CRY1: variants seen among roughly 807,000 people sequenced by gnomAD.
CRY1 encodes cryptochrome-1.
CRY1 carries 45 observed loss-of-function variants against 76.0 expected under a neutral mutation model. That is an observed-to-expected ratio of 0.59 (90% CI 0.47 to 0.76). The LOEUF is 0.76. Among genes scored for constraint, CRY1 ranks in the 30% least tolerant of loss-of-function variants. The pLI, the probability that CRY1 is intolerant of heterozygous loss-of-function variation, is 0.00. For synonymous variants in CRY1, 248 were observed against 244.0 expected (o/e 1.02, Z -0.15); for missense variants, 587 against 716.4 (o/e 0.82, Z 2.06).
chr12:106,994,052 AC>A (rs1485116336), intron 10 of CRY1, among the ~76,000 whole-genome samples: 1 of 151,148 alleles, frequency 6.6e-6, no homozygotes, highest in Admixed American at 6.6e-5. Context: ...CATTAAAAAA[AC>A]AAACAAAAAC....
In CRY1 at chr12:106,991,524, A is replaced by C. The variant is rs760784917; in HGVS notation, c.*478T>G. ...TACTGTCTGTGTTAACAGAGGCTACAATACCAATTTGGATTACGCACATTA... is the reference window on the plus strand; with the variant it reads ...TACTGTCTGTGTTAACAGAGGCTACCATACCAATTTGGATTACGCACATTA... On this transcript the variant is annotated 3_prime_UTR_variant, in exon 13 of 13. Coordinates refer to ENST00000008527, the MANE Select transcript of CRY1 (RefSeq NM_004075.5). 2 of 152,632 alleles carry C rather than the reference A, an allele frequency of 1.3e-5. No homozygotes were observed. The highest frequency in any genetic ancestry group is 2.9e-5 in the Non-Finnish European group (2 of 68,026). 9.5% of individuals were successfully genotyped at this position (152,632 alleles called of 1,614,324 possible). A position where few individuals can be genotyped will look rare whatever the true frequency, so the allele number is the denominator to read the frequency against.
chr12:107,016,369 T>TA (rs1267167500), intron 2 of CRY1, among the ~76,000 whole-genome samples: 2 of 151,884 alleles, frequency 1.3e-5, no homozygotes, highest in African/African-American at 2.4e-5. Flanking sequence ...CAAACAATTT[T>TA]AAAAAAAAGT....
intron 1 of CRY1, among the ~76,000 whole-genome samples, chr12:107,039,577 T>A (rs1952775155): frequency 6.6e-6 from 1 of 152,188 alleles, no homozygotes; most frequent in African/African-American, 2.4e-5. Context: ...GATGTTCACA[T>A]CACAAATCAT....
chr12:107,084,343 A>C (rs560996291), intron 1 of CRY1, among the ~76,000 whole-genome samples: 70 of 152,344 alleles, frequency 4.6e-4, no homozygotes, highest in African/African-American at 1.7e-3. Flanking sequence ...TAAATTTCAT[A>C]TGGAACCAAA....
intron 1 of CRY1, among the ~76,000 whole-genome samples, chr12:107,026,177 C>CATAT (rs957628269): frequency 4.4e-5 from 1 of 22,706 alleles, no homozygotes; most frequent in Admixed American, 6.1e-4. Context: ...ATATATATTA[C>CATAT]ATATATATAT....
intron 1 of CRY1, among the ~76,000 whole-genome samples, chr12:107,051,104 T>C (rs1362742746): frequency 6.6e-6 from 1 of 152,216 alleles, no homozygotes; most frequent in Non-Finnish European, 1.5e-5. Flanking sequence ...GAACCTGTCA[T>C]GGACTGAAAA....
At chr12:107,007,796 C>T (rs1952392402) in intron 2 of CRY1, among the ~76,000 whole-genome samples, 1 of 152,166 alleles carries the variant, frequency 6.6e-6, no homozygotes, top group Non-Finnish European at 1.5e-5. Context: ...TCCCAACGTG[C>T]TGGGATTACA....
At position 107,089,314 on chromosome 12, in the gene CRY1, C is replaced by T. The variant is rs1490626363; in HGVS notation, c.158+3490G>A. 2.6e-5 allele frequency among the ~76,000 whole-genome samples: 4 copies of T among 151,958 alleles called. No individual in the cohort carries two copies. The South Asian group carries it at 6.2e-4, about 24-fold the overall frequency. On this transcript the variant is annotated intron_variant, in intron 1 of 12. Coordinates refer to ENST00000008527, the MANE Select transcript of CRY1 (RefSeq NM_004075.5). ...CATGTTATTCTGAGACAATGTCCTT[C>T]AAATTTTTTGTTGTTGTTGTTTGTT...
At chr12:107,026,476 C>T (rs917346412) in intron 1 of CRY1, among the ~76,000 whole-genome samples, 1 of 152,026 alleles carries the variant, frequency 6.6e-6, no homozygotes, top group Non-Finnish European at 1.5e-5. Context: ...TCAGGTGATC[C>T]ACCTGCCTCA....
chr12:107,080,985 A>C (rs562083709), intron 1 of CRY1, among the ~76,000 whole-genome samples: 5 of 152,244 alleles, frequency 3.3e-5, no homozygotes, highest in African/African-American at 1.2e-4. Flanking sequence ...CAACCTAAAA[A>C]GAAGAAAAAG....
At chr12:107,013,949 A>T (rs1952471327) in intron 2 of CRY1, among the ~76,000 whole-genome samples, 1 of 152,200 alleles carries the variant, frequency 6.6e-6, no homozygotes, top group Non-Finnish European at 1.5e-5. Flanking sequence ...TAAATTTAAC[A>T]TGACTTCTAT....
chr12:107,085,486 A>G (rs1953387236), intron 1 of CRY1, among the ~76,000 whole-genome samples: 1 of 152,206 alleles, frequency 6.6e-6, no homozygotes, highest in African/African-American at 2.4e-5. Context: ...AGCAGCCATA[A>G]AAAAGAATGA....
chr12:107,032,021 ACCTCC>A (rs1952681873), intron 1 of CRY1, among the ~76,000 whole-genome samples: 1 of 152,036 alleles, frequency 6.6e-6, no homozygotes, highest in Non-Finnish European at 1.5e-5. Context: ...TGCAACCTCC[ACCTCC>A]CGGGTTCAAG....
intron 1 of CRY1, among the ~76,000 whole-genome samples, chr12:107,088,369 G>C (rs1465619611): frequency 6.6e-6 from 1 of 152,196 alleles, no homozygotes; most frequent in East Asian, 1.9e-4. Context: ...GTCCTCACCA[G>C]AACCAGAGGC....
chr12:107,083,486 T>C (rs1414178498), intron 1 of CRY1, among the ~76,000 whole-genome samples: 1 of 152,210 alleles, frequency 6.6e-6, no homozygotes, highest in Non-Finnish European at 1.5e-5. Flanking sequence ...TCAAAAAGCT[T>C]ATCCACACGA....
intron 1 of CRY1, among the ~76,000 whole-genome samples, chr12:107,045,265 T>C (rs1288296375): frequency 1.3e-5 from 2 of 151,988 alleles, no homozygotes; most frequent in African/African-American, 4.8e-5. Context: ...AAAAATACCA[T>C]ACTCAGCAAA....
intron 1 of CRY1, among the ~76,000 whole-genome samples, chr12:107,088,252 C>A (rs902455965): frequency 2.0e-5 from 3 of 152,060 alleles, no homozygotes; most frequent in Non-Finnish European, 2.9e-5. Context: ...TATTAATTAA[C>A]AGAACAATTA....
chr12:107,017,827 C>T (rs1921126), intron 2 of CRY1, among the ~76,000 whole-genome samples: 83,018 of 152,066 alleles, frequency 0.55, 23,049 homozygotes, highest in East Asian at 0.73. Context: ...TCTTCATATG[C>T]TTGCTCAAAT....
chr12:107,005,360 C>A, intron 2 of CRY1, 112 bp from the exon 3 acceptor site: 1 of 1,151,526 alleles, frequency 8.7e-7, no homozygotes. Context: ...ATACATAAAT[C>A]AAACTTTGAA....
Sources: allele counts gnomAD v4.1 joint callset (sites outside exome capture counted in the v4.1 genomes callset), GRCh38; gene constraint gnomAD v4.1.1; transcripts MANE v1.5; gene names NCBI Gene and HGNC (gene_info 2026-07-23, HGNC 2026-07-21).